Variants in MSH4 observed in about 807,000 individuals in gnomAD.
The protein encoded by MSH4 is mutS protein homolog 4.
MSH4 carries 106 observed loss-of-function variants against 113.7 expected under a neutral mutation model. The observed-to-expected ratio is 0.93, with a 90% CI of 0.80 to 1.10. The LOEUF (loss-of-function observed/expected upper bound fraction) is 1.10. Among genes scored for constraint, MSH4 ranks in the 50% least tolerant of loss-of-function variants. The pLI is 0.00. For missense variants in MSH4, 1,061 were observed against 1,093.7 expected (o/e 0.97, Z 0.42); for synonymous variants, 368 against 380.2 (o/e 0.97, Z 0.37).
chr1:75,814,593 C>G (rs138934080), intron 4 of MSH4, among the ~76,000 whole-genome samples: 15 of 152,124 alleles, frequency 9.9e-5, no homozygotes, highest in African/African-American at 3.6e-4. Flanking sequence ...TACCCTTTCT[C>G]AATTATGATA....
chr1:75,880,265 C>T, intron 13 of MSH4, 112 bp downstream of exon 13: 5 of 606,578 alleles, frequency 8.2e-6, no homozygotes, highest in Admixed American at 7.3e-5. Flanking sequence ...TAGAATTATG[C>T]ATGTTAGCAA....
chr1:75,890,388 A>C (rs5745504), intron 16 of MSH4, among the ~76,000 whole-genome samples: 13 of 152,048 alleles, frequency 8.5e-5, no homozygotes, highest in Non-Finnish European at 1.9e-4. Flanking sequence ...CTTTGTGCTT[A>C]GTTTAAACAT....
intron 19 of MSH4, among the ~76,000 whole-genome samples, chr1:75,900,951 A>T (rs1397659624): frequency 6.6e-6 from 1 of 152,134 alleles, no homozygotes; most frequent in African/African-American, 2.4e-5. Context: ...TATTCGAAAC[A>T]AGCTATTTTT....
At chr1:75,806,699 T>G (rs773896095) in intron 2 of MSH4, among the ~76,000 whole-genome samples, 23 of 152,180 alleles carry the variant, frequency 1.5e-4, no homozygotes, top group Non-Finnish European at 3.1e-4. Flanking sequence ...CAAGCCACCT[T>G]ACTCTTCTTT....
At chr1:75,848,315 A>C (rs41291514) in intron 8 of MSH4, 39 bp downstream of exon 8, 1 of 1,318,298 alleles carries the variant, frequency 7.6e-7, no homozygotes, top group Non-Finnish European at 1.1e-6. Flanking sequence ...ATTATTATAC[A>C]TTATTTGATG....
chr1:75,802,102 A>G (rs1649949951), intron 1 of MSH4, among the ~76,000 whole-genome samples: 2 of 152,126 alleles, frequency 1.3e-5, no homozygotes, highest in Non-Finnish European at 2.9e-5. Context: ...CCAGGAGTTC[A>G]AGGCTGCATT....
At chr1:75,834,835 A>C (rs567511815) in intron 7 of MSH4, among the ~76,000 whole-genome samples, 1 of 152,180 alleles carries the variant, frequency 6.6e-6, no homozygotes, top group East Asian at 1.9e-4. Flanking sequence ...TGAGGAGTTA[A>C]CGGGTGCAGC....
At position 75,837,222 on chromosome 1, in the gene MSH4, A is replaced by G. The variant is rs149365378; in HGVS notation, c.1163-10987A>G. Among the ~76,000 whole-genome samples the G allele has an allele frequency of 1.1e-4, 17 of 152,282 alleles. No homozygotes were observed. In the East Asian group the frequency reaches 3.3e-3, roughly 29 times the overall value. ...CGAGAAGGTACCATCTATGAGTCAG[A>G]AAGTGGGCTCTTACCGGACACTGAA... On this transcript the variant is annotated intron_variant, in intron 7 of 19. Coordinates refer to ENST00000263187, the MANE Select transcript of MSH4 (RefSeq NM_002440.4).
intron 14 of MSH4, 105 bp downstream of exon 14, chr1:75,881,475 A>G (rs1651931870): frequency 2.5e-6 from 3 of 1,201,540 alleles, no homozygotes; most frequent in Non-Finnish European, 3.5e-6. Context: ...AACTTGAAAT[A>G]GAGTCTCTTG....
intron 17 of MSH4, among the ~76,000 whole-genome samples, chr1:75,891,321 T>A (rs1324045626): frequency 6.6e-6 from 1 of 152,190 alleles, no homozygotes; most frequent in Non-Finnish European, 1.5e-5. Flanking sequence ...TTTTAAATGG[T>A]CACTCACAAT....
chr1:75,828,878 C>A (rs371319466), intron 7 of MSH4, among the ~76,000 whole-genome samples: 1 of 152,178 alleles, frequency 6.6e-6, no homozygotes, highest in East Asian at 1.9e-4. Flanking sequence ...CAGCTCCCAG[C>A]ATGAGCAACA....
In MSH4 at chr1:75,878,307, A is replaced by G. The variant is rs766489963; in HGVS notation, c.1529A>G (p.Asp510Gly). ...AGAAGAACATACACAGAGATTGTAG[A>G]TGACATAGCAGGTAATTTCTTTATT... ...IARRTYTEIVDDIAGMISQLG... is the reference protein window; with the variant it reads ...IARRTYTEIVGDIAGMISQLG... Residue 510 changes from aspartate to glycine, a missense_variant, in exon 11 of 20, where the codon GAT becomes GGT. Physicochemically the swap from Asp to Gly is moderately conservative, Grantham distance 94. Transcript: ENST00000263187. The G allele has an allele frequency of 5.7e-6, 9 of 1,588,118 alleles. No homozygotes were observed. The East Asian group carries it at 1.8e-4, about 32-fold the overall frequency.
chr1:75,907,971 G>A (rs10782580), intron 19 of MSH4, among the ~76,000 whole-genome samples: 143,593 of 149,110 alleles, frequency 0.96, 69,381 homozygotes, highest in East Asian at 1. Flanking sequence ...CAGTCTCCCA[G>A]AGTGCTGGTA....
chr1:75,895,351 C>T (rs1482907193), intron 17 of MSH4, among the ~76,000 whole-genome samples: 1 of 152,112 alleles, frequency 6.6e-6, no homozygotes, highest in Non-Finnish European at 1.5e-5. Flanking sequence ...AAAACTACAA[C>T]CCAACCCAGG....
intron 7 of MSH4, among the ~76,000 whole-genome samples, chr1:75,833,275 G>A (rs879208235): frequency 1.3e-5 from 2 of 152,152 alleles, no homozygotes; most frequent in Non-Finnish European, 2.9e-5. Flanking sequence ...ACTGCTCAAC[G>A]AAATAAAAGA....
intron 8 of MSH4, among the ~76,000 whole-genome samples, chr1:75,849,505 G>A (rs1651142351): frequency 6.6e-6 from 1 of 151,924 alleles, no homozygotes; most frequent in African/African-American, 2.4e-5. Context: ...TATTTGGGAA[G>A]CCTTTTTGTA....
chr1:75,804,499 C>CTTTTTTTT (rs5775308), intron 2 of MSH4, among the ~76,000 whole-genome samples: 12 of 123,288 alleles, frequency 9.7e-5, no homozygotes, highest in African/African-American at 1.2e-4. Context: ...TATGACCTTC[C>CTTTTTTTT]TTTTTTTTTT....
intron 14 of MSH4, among the ~76,000 whole-genome samples, chr1:75,882,663 TAAAAAAAAA>T (rs35936506): frequency 2.4e-5 from 3 of 123,814 alleles, no homozygotes; most frequent in Non-Finnish European, 4.9e-5. Flanking sequence ...ACCTCATTTC[TAAAAAAAAA>T]AAAAAAAAAA....
At chr1:75,868,368 AC>A (rs1557516185) in intron 9 of MSH4, among the ~76,000 whole-genome samples, 1 of 152,160 alleles carries the variant, frequency 6.6e-6, no homozygotes, top group Non-Finnish European at 1.5e-5. Flanking sequence ...TCAAACTTCC[AC>A]CCATTGATTG....
Sources: gnomAD v4.1 joint callset for allele counts (sites outside exome capture counted in the v4.1 genomes callset) on GRCh38, gnomAD v4.1.1 for gene constraint, MANE v1.5 for transcripts, NCBI Gene and HGNC (gene_info 2026-07-23, HGNC 2026-07-21) for gene names.